ROBO2: variants seen among roughly 807,000 people sequenced by gnomAD.
ROBO2 encodes roundabout guidance receptor 2.
ROBO2 carries 53 observed loss-of-function variants against 160.8 expected under a neutral mutation model. The observed-to-expected ratio is 0.33, with a 90% confidence interval of 0.26 to 0.41. The LOEUF (loss-of-function observed/expected upper bound fraction) is 0.41. Among genes scored for constraint, ROBO2 ranks in the 10% least tolerant of loss-of-function variants. The probability of loss-of-function intolerance (pLI) is 1.00; values close to 1 mark genes in which losing one functional copy is unlikely to be tolerated. For synonymous variants in ROBO2, 664 were observed against 611.7 expected (o/e 1.09, Z -1.26); for missense variants, 1,577 against 1,722.4 (o/e 0.92, Z 1.49).
intron 2 of ROBO2, among the ~76,000 whole-genome samples, chr3:77,421,510 A>G (rs1686893639): frequency 6.6e-6 from 1 of 152,182 alleles, no homozygotes; most frequent in Admixed American, 6.5e-5. Context: ...CATAAGAATT[A>G]GCTCATATAA....
At position 77,367,393 on chromosome 3, in the gene ROBO2, C is replaced by T. The variant is rs78501486; in HGVS notation, c.389-110021C>T. On this transcript the variant is annotated intron_variant, in intron 2 of 25. Coordinates refer to ENST00000461745, the Ensembl canonical transcript of ROBO2. ...CGGCATTCCTTCCACTCTCCCCTTC[C>T]CAACCCCCGACCCAGTAGTTAATGG... Among the ~76,000 whole-genome samples, 305 of 152,080 alleles carry T rather than the reference C, an allele frequency of 2.0e-3. 4 individuals carry two copies. The highest frequency in any genetic ancestry group is 6.7e-3 in the African/African-American group (279 of 41,486).
intron 1 of ROBO2, among the ~76,000 whole-genome samples, chr3:77,085,703 C>T (rs2069210388): frequency 6.6e-6 from 1 of 152,082 alleles, no homozygotes; most frequent in Non-Finnish European, 1.5e-5. Flanking sequence ...TTTCCACCAT[C>T]CAAGAGGAAA....
At chr3:76,726,857 A>G (rs542002946) in intron 2 of ROBO2, among the ~76,000 whole-genome samples, 1 of 152,214 alleles carries the variant, frequency 6.6e-6, no homozygotes, top group Non-Finnish European at 1.5e-5. Context: ...TTCAGAGGAA[A>G]AAGCTATCTC....
At chr3:76,677,126 A>G (rs962140116) in intron 2 of ROBO2, among the ~76,000 whole-genome samples, 3 of 152,014 alleles carry the variant, frequency 2.0e-5, no homozygotes, top group African/African-American at 7.3e-5. Flanking sequence ...ATGCTTTTAT[A>G]GGATATAACA....
At chr3:76,752,900 A>T (rs185241156) in intron 2 of ROBO2, among the ~76,000 whole-genome samples, 229 of 152,082 alleles carry the variant, frequency 1.5e-3, no homozygotes, top group African/African-American at 5.4e-3. Context: ...TACACAGAAC[A>T]TATTTTGCAA....
At chr3:77,032,945 G>T (rs1417279435) in intron 2 of ROBO2, among the ~76,000 whole-genome samples, 1 of 152,140 alleles carries the variant, frequency 6.6e-6, no homozygotes, top group Non-Finnish European at 1.5e-5. Context: ...AGAAAGGAAG[G>T]AGAGGATTCT....
intron 2 of ROBO2, among the ~76,000 whole-genome samples, chr3:76,575,967 A>C (rs1341202512): frequency 6.6e-6 from 1 of 152,086 alleles, no homozygotes; most frequent in Non-Finnish European, 1.5e-5. Context: ...AGAAGAATTT[A>C]CAATACATTA....
chr3:76,263,396 A>C (rs1257731154), intron 2 of ROBO2, among the ~76,000 whole-genome samples: 1 of 151,954 alleles, frequency 6.6e-6, no homozygotes, highest in Admixed American at 6.6e-5. Flanking sequence ...CTAGCTAATT[A>C]AAAAAATGTA....
At chr3:76,822,736 G>T (rs77036863) in intron 2 of ROBO2, among the ~76,000 whole-genome samples, 1 of 151,286 alleles carries the variant, frequency 6.6e-6, no homozygotes, top group African/African-American at 2.4e-5. Context: ...AAAAAAAAAA[G>T]AAATGTGGGC....
intron 2 of ROBO2, among the ~76,000 whole-genome samples, chr3:77,351,096 TTCCTTCCTATTTGTTTG>T (rs1217124926): frequency 2.0e-4 from 31 of 152,252 alleles, no homozygotes; most frequent in Admixed American, 2.0e-3. Context: ...GAAAGCTTCC[TTCCTTCCTATTTGTTTG>T]TTTTACTCCT....
intron 2 of ROBO2, among the ~76,000 whole-genome samples, chr3:77,391,751 G>T (rs1022343007): frequency 2.6e-5 from 4 of 151,980 alleles, no homozygotes; most frequent in African/African-American, 9.7e-5. Flanking sequence ...TAGAGACGAG[G>T]CCTCATTATG....
chr3:77,352,162 C>G (rs28729674), intron 2 of ROBO2, among the ~76,000 whole-genome samples: 128,372 of 149,660 alleles, frequency 0.86, 55,028 homozygotes, highest in Non-Finnish European at 0.87. Flanking sequence ...TTCTAGAGGA[C>G]CTTATTTTAA....
At chr3:76,769,239 A>C (rs1427262622) in intron 2 of ROBO2, among the ~76,000 whole-genome samples, 1 of 151,454 alleles carries the variant, frequency 6.6e-6, no homozygotes, top group Non-Finnish European at 1.5e-5. Context: ...TATGTAGAAC[A>C]ACAGTTATTA....
At chr3:77,038,169 G>A (rs2063747546), upstream of ROBO2, among the ~76,000 whole-genome samples, 1 of 152,120 alleles carries the variant, frequency 6.6e-6, no homozygotes, top group Non-Finnish European at 1.5e-5. Flanking sequence ...TCTCCTTAAC[G>A]GTTAAGCCTT....
intron 22 of ROBO2, among the ~76,000 whole-genome samples, chr3:77,620,053 C>A (rs2153704601): frequency 6.6e-6 from 1 of 152,266 alleles, no homozygotes; most frequent in South Asian, 2.1e-4. Context: ...AAAGAATGAA[C>A]AAATTAGTTC....
chr3:77,304,292 AG>A (rs1271520340), intron 2 of ROBO2, among the ~76,000 whole-genome samples: 1 of 152,212 alleles, frequency 6.6e-6, no homozygotes, highest in Non-Finnish European at 1.5e-5. Context: ...AAACAAAAAA[AG>A]CTCAGCAGAA....
intron 2 of ROBO2, among the ~76,000 whole-genome samples, chr3:76,969,448 A>T (rs1038865083): frequency 1.3e-5 from 2 of 152,148 alleles, no homozygotes; most frequent in Non-Finnish European, 2.9e-5. Flanking sequence ...GCCTAATTTT[A>T]TTATTTCTAG....
chr3:76,697,260 G>A (rs1001631928), intron 2 of ROBO2, among the ~76,000 whole-genome samples: 8 of 151,792 alleles, frequency 5.3e-5, no homozygotes, highest in Non-Finnish European at 4.4e-5. Flanking sequence ...TTTCTTTAAT[G>A]TATTTTTTCT....
At chr3:75,960,320 G>C (rs1948865969) in intron 2 of ROBO2, among the ~76,000 whole-genome samples, 1 of 151,792 alleles carries the variant, frequency 6.6e-6, no homozygotes. Flanking sequence ...TCTATGAGTA[G>C]TTAAGTTTAA....
Sources: allele counts gnomAD v4.1 joint callset (sites outside exome capture counted in the v4.1 genomes callset), GRCh38; gene constraint gnomAD v4.1.1; transcripts MANE v1.5; gene names NCBI Gene and HGNC (gene_info 2026-07-23, HGNC 2026-07-21).